The following KIZ variants were observed in gnomAD, a reference collection of about 807,000 sequenced individuals.
The protein encoded by KIZ is kizuna centrosomal protein.
Under a neutral mutation model 79.6 loss-of-function variants are expected in KIZ, and 68 were observed. That is an observed-to-expected ratio of 0.85 (90% CI 0.70 to 1.05). KIZ has a LOEUF of 1.05. KIZ is among the 50% of genes least tolerant of loss of function. The probability of loss-of-function intolerance (pLI) is 0.00; values close to 1 mark genes in which losing one functional copy is unlikely to be tolerated. For missense variants in KIZ, 797 were observed against 800.4 expected (o/e 1.00, Z 0.05); for synonymous variants, 280 against 281.8 (o/e 0.99, Z 0.06).
Position 21,162,104 on chromosome 20 carries a change from T to TGACACAC in KIZ, c.640_646dup (p.Gln216ArgfsTer7), listed in dbSNP as rs1415489830. 1 of 1,613,546 alleles carries TGACACAC rather than the reference T, an allele frequency of 6.2e-7. No homozygotes were observed. Among genetic ancestry groups the TGACACAC allele is most frequent in the Non-Finnish European group, 8.5e-7 (1 of 1,179,626 alleles). Reference sequence around the variant, plus strand: ...ACAGCTGTGTAGTACAAACTAGTAATGACACACAGTGCTTAAATAAGTCTG... The same window carrying TGACACAC: ...ACAGCTGTGTAGTACAAACTAGTAATGACACACGACACACAGTGCTTAAATAAGTCTG... On this transcript the variant is annotated frameshift_variant, in exon 5 of 13. Transcript: ENST00000619189. LOFTEE classifies it high-confidence loss of function.
chr20:21,216,258 TCATA>T (rs1380488007), intron 9 of KIZ, among the ~76,000 whole-genome samples: 7 of 152,324 alleles, frequency 4.6e-5, no homozygotes, highest in African/African-American at 1.7e-4. Flanking sequence ...GTTCTACTTG[TCATA>T]CATCTGAATT....
At chr20:21,139,699 G>A (rs1273297759) in intron 3 of KIZ, among the ~76,000 whole-genome samples, 1 of 151,992 alleles carries the variant, frequency 6.6e-6, no homozygotes, top group Non-Finnish European at 1.5e-5. Context: ...TATATTGAGA[G>A]CATTCATTAT....
chr20:21,193,775 T>C (rs1263717847), intron 6 of KIZ, among the ~76,000 whole-genome samples: 1 of 145,678 alleles, frequency 6.9e-6, no homozygotes, highest in Non-Finnish European at 1.5e-5. Context: ...AAACACCGCA[T>C]GTTCTCACTC....
intron 6 of KIZ, among the ~76,000 whole-genome samples, chr20:21,169,665 A>G (rs1440361007): frequency 6.6e-6 from 1 of 152,212 alleles, no homozygotes; most frequent in Non-Finnish European, 1.5e-5. Context: ...AACAGCAAAG[A>G]CTTGGAACCA....
At chr20:21,159,858 C>T (rs1384548280) in intron 4 of KIZ, among the ~76,000 whole-genome samples, 1 of 152,186 alleles carries the variant, frequency 6.6e-6, no homozygotes, top group Non-Finnish European at 1.5e-5. Context: ...TATGTTTACA[C>T]TCTCCGTACT....
intron 4 of KIZ, among the ~76,000 whole-genome samples, chr20:21,156,521 A>G (rs1454922976): frequency 1.3e-5 from 2 of 152,178 alleles, no homozygotes; most frequent in Non-Finnish European, 2.9e-5. Context: ...TGCCAGTTGT[A>G]TGAAAGTATA....
At chr20:21,228,135 G>A (rs191708382) in intron 9 of KIZ, among the ~76,000 whole-genome samples, 320 of 152,244 alleles carry the variant, frequency 2.1e-3, no homozygotes, top group Non-Finnish European at 3.9e-3. Context: ...GCAAAAGCAG[G>A]AATCCAACCT....
At chr20:21,204,108 T>TG (rs1568973323) in intron 6 of KIZ, among the ~76,000 whole-genome samples, 1 of 70,342 alleles carries the variant, frequency 1.4e-5, no homozygotes, top group Non-Finnish European at 2.8e-5. Flanking sequence ...CATCTATGTT[T>TG]TTTTTTTTTT....
At chr20:21,225,689 C>A (rs1568994059) in intron 9 of KIZ, among the ~76,000 whole-genome samples, 1 of 152,152 alleles carries the variant, frequency 6.6e-6, no homozygotes, top group African/African-American at 2.4e-5. Flanking sequence ...CTGATTGGTT[C>A]ATCACTGTCT....
chr20:21,227,690 A>C (rs1204941606), intron 9 of KIZ, among the ~76,000 whole-genome samples: 3 of 152,172 alleles, frequency 2.0e-5, no homozygotes, highest in African/African-American at 7.2e-5. Flanking sequence ...GGAGGTCATC[A>C]CAACACCATC....
At position 21,162,191 on chromosome 20, in the gene KIZ, A is replaced by G. The variant is rs1306179849; in HGVS notation, c.726A>G (p.Val242=). The stretch of plus-strand genomic sequence containing the variant: ...AGAAAATGCCAGTCACAGCCAGTGT[A>G]TTGTCTGAGGAGGAACAAACTCATT... ...IGEKMPVTAS[V]LSEEEQTHCL... is the part of the protein sequence containing the mutation. The change falls in exon 5 of 13, where the codon GTA becomes GTG. Residue 242 remains valine (V), a synonymous_variant. Transcript: ENST00000619189. 2.5e-6 allele frequency: 4 copies of G among 1,612,708 alleles called. No homozygotes were observed. The highest frequency in any genetic ancestry group is 2.2e-5 in the East Asian group (1 of 44,878).
chr20:21,175,319 T>C (rs2034387776), intron 6 of KIZ, among the ~76,000 whole-genome samples: 1 of 152,184 alleles, frequency 6.6e-6, no homozygotes, highest in Admixed American at 6.5e-5. Flanking sequence ...CCAAACCTAC[T>C]AAGAAGGGAA....
At chr20:21,200,900 A>G (rs375854083) in intron 6 of KIZ, among the ~76,000 whole-genome samples, 1 of 152,106 alleles carries the variant, frequency 6.6e-6, no homozygotes, top group Admixed American at 6.6e-5. Flanking sequence ...AGACCTTCAT[A>G]TGGGCCAGGT....
At chr20:21,134,631 A>G (rs1419933277) in intron 2 of KIZ, among the ~76,000 whole-genome samples, 4 of 144,732 alleles carry the variant, frequency 2.8e-5, no homozygotes, top group African/African-American at 1.0e-4. Flanking sequence ...GGCTTCATCA[A>G]TTTTGATTAA....
chr20:21,164,673 C>CT (rs1841064661), intron 6 of KIZ, among the ~76,000 whole-genome samples: 1 of 150,244 alleles, frequency 6.7e-6, no homozygotes, highest in East Asian at 2.0e-4. Flanking sequence ...AAACATTTCT[C>CT]TAAGAGTCAA....
chr20:21,127,833 T>C (rs944998831), intron 1 of KIZ, among the ~76,000 whole-genome samples: 1 of 152,194 alleles, frequency 6.6e-6, no homozygotes, highest in Admixed American at 6.5e-5. Context: ...TTACCAGGAA[T>C]GAGGGGGCTT....
intron 6 of KIZ, among the ~76,000 whole-genome samples, chr20:21,174,909 T>C (rs1417584779): frequency 6.6e-6 from 1 of 152,244 alleles, no homozygotes; most frequent in Non-Finnish European, 1.5e-5. Context: ...TCATTTAGAA[T>C]TTACCCTGAA....
At chr20:21,204,594 T>C (rs2035737706) in intron 6 of KIZ, among the ~76,000 whole-genome samples, 1 of 152,148 alleles carries the variant, frequency 6.6e-6, no homozygotes, top group African/African-American at 2.4e-5. Flanking sequence ...CTTCCTAAGA[T>C]ATCCCCTCCC....
intron 6 of KIZ, among the ~76,000 whole-genome samples, chr20:21,187,747 C>T (rs960105956): frequency 6.6e-6 from 1 of 152,150 alleles, no homozygotes; most frequent in African/African-American, 2.4e-5. Context: ...ATAATTCTAC[C>T]TTGACAACAC....
Sources: allele counts gnomAD v4.1 joint callset (sites outside exome capture counted in the v4.1 genomes callset), GRCh38; gene constraint gnomAD v4.1.1; transcripts MANE v1.5; gene names NCBI Gene and HGNC (gene_info 2026-07-23, HGNC 2026-07-21).